Variants in FHDC1 observed in about 807,000 individuals in gnomAD.
The protein encoded by FHDC1 is FH2 domain containing 1, also known as FH2 domain-containing protein 1.
In FHDC1, 25 loss-of-function variants were observed where a neutral mutation model predicts 52.6. The ratio of observed to expected loss-of-function variants is 0.48; its 90% confidence interval spans 0.35 to 0.66. The LOEUF is 0.66. Among genes scored for constraint, FHDC1 ranks in the 30% least tolerant of loss-of-function variants. The probability of loss-of-function intolerance (pLI) is 0.01; values close to 1 mark genes in which losing one functional copy is unlikely to be tolerated. For synonymous variants in FHDC1, 616 were observed against 581.5 expected (o/e 1.06, Z -0.85); for missense variants, 1,459 against 1,452.8 (o/e 1.00, Z -0.07).
chr4:152,961,551 G>C (rs555265721), intron 6 of FHDC1, among the ~76,000 whole-genome samples: 2 of 152,350 alleles, frequency 1.3e-5, no homozygotes, highest in Non-Finnish European at 2.9e-5. Flanking sequence ...AATCCCGGCG[G>C]AGTTGCAGCT....
rs1740018971 is a variant in FHDC1 at position 152,954,386 on chromosome 4, T to A, written c.663+67T>A. On this transcript the variant is annotated intron_variant, in intron 4 of 11. Transcript: ENST00000511601. ...CATAAAAGCTTAATATTTTTAAGTG[T>A]GTCAAAGCTCACATGGAAGGCCAGG... 7.3e-6 allele frequency: 10 copies of A among 1,366,118 alleles called. No individual in the cohort carries two copies. The South Asian group carries it at 1.2e-4, about 16-fold the overall frequency. The allele number at this position is 1,366,118 out of a possible 1,614,324, so 84.6% of individuals were successfully genotyped here.
intron 4 of FHDC1, among the ~76,000 whole-genome samples, chr4:152,956,009 T>G (rs1740073866): frequency 6.6e-6 from 1 of 152,172 alleles, no homozygotes; most frequent in Non-Finnish European, 1.5e-5. Context: ...CAAGATTAAT[T>G]AGCAGCAGTT....
rs536373854 is a variant in FHDC1, at chr4:152,955,798, A to G, written c.663+1479A>G. On this transcript the variant is annotated intron_variant, in intron 4 of 11. Coordinates refer to ENST00000511601, the MANE Select transcript of FHDC1 (RefSeq NM_001371116.1). ...TGGCCAACTTTATAAGTAAAAAGTA[A>G]GGGTGACTTTTTAATATGTTATCCT... 6.6e-5 allele frequency among the ~76,000 whole-genome samples: 10 copies of G among 152,358 alleles called. No homozygotes were observed. The South Asian group carries it at 2.1e-3, about 32-fold the overall frequency.
chr4:152,949,124 T>TAAGAAGAAGAAGAAGAAG (rs201070214), intron 2 of FHDC1, among the ~76,000 whole-genome samples: 96 of 74,680 alleles, frequency 1.3e-3, no homozygotes, highest in East Asian at 2.8e-3. Context: ...ATAATAATAA[T>TAAGAAGAAGAAGAAGAAG]AAGAAGAAGA....
rs1740888282 is a variant in FHDC1 at position 152,976,442 on chromosome 4, C to A, written c.3151C>A (p.Leu1051Ile). Residue 1051 changes from leucine to isoleucine, a missense_variant, in exon 12 of 12, where the codon CTT (leucine) becomes ATT (isoleucine). Leu to Ile is a conservative substitution (Grantham distance 5, BLOSUM62 2). Around this residue, in one of 3 missense-constraint regions of FHDC1, gnomAD observed 939 missense variants for 854.5 expected, o/e 1.10. Coordinates refer to ENST00000511601, the MANE Select transcript of FHDC1 (RefSeq NM_001371116.1). ...CTCCTCTCGAAGCATGAGAACAGAT[C>A]TTCCTCCCGTGGCCAAAGCCCCCGG... Reference protein sequence around the residue: ...ASSSRSMRTDLPPVAKAPGIT... With the variant: ...ASSSRSMRTDIPPVAKAPGIT... 3 of 1,613,622 alleles carry A rather than the reference C, an allele frequency of 1.9e-6. No individual in the cohort carries two copies. In the African/African-American group the frequency reaches 4.0e-5, roughly 22 times the overall value.
intron 8 of FHDC1, among the ~76,000 whole-genome samples, 164 bp downstream of exon 8, chr4:152,963,294 T>C (rs1452166432): frequency 6.6e-6 from 1 of 152,172 alleles, no homozygotes; most frequent in East Asian, 1.9e-4. Flanking sequence ...TCCTGAGTTG[T>C]ACTGCACCCA....
In FHDC1 at chr4:152,951,000, A is replaced by G. The variant is rs572373587; in HGVS notation, c.499-2499A>G. 4.6e-5 allele frequency among the ~76,000 whole-genome samples: 7 copies of G among 152,288 alleles called. No homozygotes were observed. The East Asian group carries it at 1.4e-3, about 29-fold the overall frequency. ...TTTCTCCTTCACTTTTCCTGCAGCA[A>G]TGTCTCCGGATCTAGGCTGAGTGAA... is the stretch of plus-strand genomic sequence containing the variant. On this transcript the variant is annotated intron_variant, in intron 2 of 11. Coordinates refer to ENST00000511601, the MANE Select transcript of FHDC1 (RefSeq NM_001371116.1).
chr4:152,947,953 T>A (rs546947394), intron 2 of FHDC1, among the ~76,000 whole-genome samples: 1 of 152,366 alleles, frequency 6.6e-6, no homozygotes, highest in South Asian at 2.1e-4. Flanking sequence ...GATGCCGGTA[T>A]GTTCCAGAAT....
At chr4:152,927,632 G>T in the FHDC1 span, 163 of 1,605,434 alleles carry the variant, frequency 1.0e-4, 2 homozygotes, top group South Asian at 4.8e-4. Flanking sequence ...GGAACAGAAG[G>T]ACAGGAAGCA....
At chr4:152,919,210 G>A in the FHDC1 span, among the ~76,000 whole-genome samples, 2 of 152,222 alleles carry the variant, frequency 1.3e-5, no homozygotes, top group African/African-American at 2.4e-5. Context: ...AACAGCTGTC[G>A]AGCCTTGAAG....
At chr4:152,967,852 A>G (rs1283816006) in intron 9 of FHDC1, 128 bp from the exon 10 acceptor site, 8 of 666,568 alleles carry the variant, frequency 1.2e-5, no homozygotes, top group South Asian at 3.7e-5. Flanking sequence ...ACAGGGGTAG[A>G]TAAATATCAT....
chr4:152,930,399 A>G, the FHDC1 span, among the ~76,000 whole-genome samples: 1 of 152,184 alleles, frequency 6.6e-6, no homozygotes, highest in African/African-American at 2.4e-5. Context: ...CACTAGATAA[A>G]AGGTTGAATA....
the FHDC1 span, among the ~76,000 whole-genome samples, chr4:152,913,225 A>T: frequency 6.6e-6 from 1 of 152,250 alleles, no homozygotes; most frequent in African/African-American, 2.4e-5. Flanking sequence ...TTGGGGAAAA[A>T]ATCCATCTCC....
chr4:152,972,281 C>G (rs984897903), intron 10 of FHDC1, 96 bp from the exon 11 acceptor site: 48 of 1,281,870 alleles, frequency 3.7e-5, no homozygotes, highest in Non-Finnish European at 4.9e-5. Flanking sequence ...GAAATGAAAC[C>G]CCAGAGCACG....
chr4:152,954,129 G>T, intron 3 of FHDC1, 88 bp from the exon 4 acceptor site: 2 of 1,106,812 alleles, frequency 1.8e-6, no homozygotes, highest in East Asian at 2.4e-5. Flanking sequence ...TGGGAAGGAG[G>T]GTGGAGGAGA....
At chr4:152,932,711 C>T (rs983381468), upstream of FHDC1, among the ~76,000 whole-genome samples, 21 of 152,148 alleles carry the variant, frequency 1.4e-4, no homozygotes, top group African/African-American at 5.1e-4. Flanking sequence ...AAGTAAAGAT[C>T]TCAGTCTGTA....
chr4:152,946,860 G>T (rs1739748554), intron 2 of FHDC1, among the ~76,000 whole-genome samples: 1 of 152,158 alleles, frequency 6.6e-6, no homozygotes, highest in Non-Finnish European at 1.5e-5. Context: ...AAATTTGCTG[G>T]AAGATAGGGA....
Position 152,963,067 on chromosome 4 carries a change from G to T in FHDC1, c.966G>T (p.Leu322Phe). The T allele has an allele frequency of 6.2e-7, 1 of 1,612,954 alleles. No individual in the cohort carries two copies. Residue 322 changes from leucine to phenylalanine, a missense_variant, in exon 8 of 12, where the codon TTG (leucine) becomes TTT (phenylalanine). By Grantham distance (22) the Leu-to-Phe change is conservative. This residue lies in a region of FHDC1 where 513 missense variants were observed against 581.5 expected (regional missense o/e 0.88). Transcript: ENST00000511601. ...GNAVGFKLSS[L>F]LKLADTKANK... ...CAGTAGGATTTAAACTGTCTTCTTT[G>T]CTCAAATTGGCAGACACAAAAGCAA...
rs780573496 is a variant in FHDC1, at chr4:152,975,623, G to A, written c.2332G>A (p.Asp778Asn). ...TCTGTTCTGCATCTCGGACACCACC[G>A]ACTGCTCACTGACCCTGGACTGCTC... ...RPLFCISDTT[D>N]CSLTLDCSEG... Residue 778 changes from aspartate to asparagine, a missense_variant, in exon 12 of 12, where the codon GAC (aspartate) becomes AAC (asparagine). Physicochemically the swap from Asp to Asn is conservative, Grantham distance 23. Around this residue, in one of 3 missense-constraint regions of FHDC1, gnomAD observed 939 missense variants for 854.5 expected, o/e 1.10. Coordinates refer to ENST00000511601, the MANE Select transcript of FHDC1 (RefSeq NM_001371116.1). 3 of 1,613,602 alleles carry A rather than the reference G, an allele frequency of 1.9e-6. No homozygotes were observed. Among genetic ancestry groups the A allele is most frequent in the Non-Finnish European group, 2.5e-6 (3 of 1,180,010 alleles).
Sources: gnomAD v4.1 joint callset for allele counts (sites outside exome capture counted in the v4.1 genomes callset) on GRCh38, gnomAD v4.1.1 for gene constraint, gnomAD v4.1.1 regional missense constraint, MANE v1.5 for transcripts, NCBI Gene and HGNC (gene_info 2026-07-23, HGNC 2026-07-21) for gene names.